Variants in FGF14 observed in about 807,000 individuals in gnomAD.
The protein encoded by FGF14 is fibroblast growth factor homologous factor 4.
Under a neutral mutation model 25.5 loss-of-function variants are expected in FGF14, and 5 were observed. That is an observed-to-expected ratio of 0.20 (90% confidence interval 0.10 to 0.41). The LOEUF (loss-of-function observed/expected upper bound fraction) is 0.41. FGF14 is among the 10% of genes least tolerant of loss of function. FGF14 has a pLI of 1.00. For synonymous variants in FGF14, 138 were observed against 118.3 expected (o/e 1.17, Z -1.08); for missense variants, 222 against 320.1 (o/e 0.69, Z 2.34).
chr13:101,762,329 T>C (rs1292076202), intron 3 of FGF14, among the ~76,000 whole-genome samples: 7 of 152,212 alleles, frequency 4.6e-5, no homozygotes, highest in Admixed American at 3.9e-4. Flanking sequence ...TTTCAGTGAA[T>C]TCTTCTAACC....
chr13:102,130,962 T>G (rs1431977382), intron 1 of FGF14, among the ~76,000 whole-genome samples: 1 of 152,208 alleles, frequency 6.6e-6, no homozygotes, highest in African/African-American at 2.4e-5. Context: ...CCCCACTTTT[T>G]GCTTAAATGG....
intron 1 of FGF14, among the ~76,000 whole-genome samples, chr13:102,229,684 A>C (rs553453219): frequency 6.6e-6 from 1 of 152,256 alleles, no homozygotes; most frequent in South Asian, 2.1e-4. Context: ...TTCTACCTCA[A>C]GGCTTCTCAG....
intron 1 of FGF14, among the ~76,000 whole-genome samples, chr13:102,249,471 C>T (rs1396278015): frequency 6.6e-6 from 1 of 152,118 alleles, no homozygotes; most frequent in Non-Finnish European, 1.5e-5. Flanking sequence ...GGGTCATGGA[C>T]AGAGCAGACA....
intron 3 of FGF14, among the ~76,000 whole-genome samples, chr13:101,737,247 C>T (rs1395066234): frequency 1.3e-5 from 2 of 151,796 alleles, no homozygotes; most frequent in African/African-American, 2.4e-5. Flanking sequence ...TTAGTAATAA[C>T]GGTTTTAATG....
rs1555391875 is a variant in FGF14 at position 102,275,262 on chromosome 13, T to TCTCTCTCTCTCTCTC, written c.208+126208_208+126209insGAGAGAGAGAGAGAG. Among the ~76,000 whole-genome samples the TCTCTCTCTCTCTCTC allele has an allele frequency of 9.2e-3, 632 of 68,970 alleles. 69 individuals carry two copies. The highest frequency in any genetic ancestry group is 0.019 in the Middle Eastern group (2 of 106). 45.2% of individuals were successfully genotyped at this position (68,970 alleles called of 152,430 possible). ...TCTCTCTCTCTCTCTCTCTCTCTCT[T>TCTCTCTCTCTCTCTC]TCTCTCTCTCTCTCTCTCTCTCTCT... is the stretch of plus-strand genomic sequence containing the variant. On this transcript the variant is annotated intron_variant, in intron 1 of 4. Transcript: ENST00000376131.
chr13:101,959,339 C>A (rs1433992680), intron 1 of FGF14, among the ~76,000 whole-genome samples: 1 of 151,866 alleles, frequency 6.6e-6, no homozygotes, highest in East Asian at 2.0e-4. Context: ...TACCGAGATA[C>A]CCCACAGTTG....
chr13:102,157,756 T>A (rs2047415803), intron 1 of FGF14, among the ~76,000 whole-genome samples: 1 of 152,174 alleles, frequency 6.6e-6, no homozygotes. Context: ...GGGAGAAAGT[T>A]TTTGCAATCT....
At chr13:102,201,276 C>T (rs914263243) in intron 1 of FGF14, among the ~76,000 whole-genome samples, 1 of 151,684 alleles carries the variant, frequency 6.6e-6, no homozygotes, top group African/African-American at 2.4e-5. Context: ...TTAGGATTCT[C>T]CAACATGACA....
chr13:102,070,250 T>C (rs1238124347), intron 1 of FGF14, among the ~76,000 whole-genome samples: 2 of 152,172 alleles, frequency 1.3e-5, no homozygotes, highest in Admixed American at 6.5e-5. Context: ...AAATAAGACA[T>C]ACAAATGACA....
chr13:102,374,243 A>G (rs1417282726), intron 1 of FGF14, among the ~76,000 whole-genome samples: 1 of 152,128 alleles, frequency 6.6e-6, no homozygotes, highest in Non-Finnish European at 1.5e-5. Context: ...TCAAGTTCTG[A>G]TTATCTATTG....
intron 1 of FGF14, among the ~76,000 whole-genome samples, chr13:102,358,127 A>G (rs972819449): frequency 6.6e-6 from 1 of 152,220 alleles, no homozygotes; most frequent in Non-Finnish European, 1.5e-5. Context: ...ATTTACCTTT[A>G]AAAATTATAT....
intron 1 of FGF14, among the ~76,000 whole-genome samples, chr13:102,159,689 T>A (rs1350913124): frequency 6.6e-6 from 1 of 152,204 alleles, no homozygotes; most frequent in Non-Finnish European, 1.5e-5. Context: ...TCCTGCATGG[T>A]ACCTGACCCA....
chr13:102,186,311 T>C (rs2048872201), intron 1 of FGF14, among the ~76,000 whole-genome samples: 1 of 152,150 alleles, frequency 6.6e-6, no homozygotes, highest in Non-Finnish European at 1.5e-5. Context: ...TAGTTTTCTT[T>C]TTGTTTTCAA....
chr13:101,974,499 A>G (rs1239680002), intron 1 of FGF14, among the ~76,000 whole-genome samples: 1 of 152,086 alleles, frequency 6.6e-6, no homozygotes, highest in Non-Finnish European at 1.5e-5. Flanking sequence ...AAGTTCCTAT[A>G]CTCAGTGGCA....
intron 1 of FGF14, among the ~76,000 whole-genome samples, chr13:102,053,919 A>G (rs1268742760): frequency 6.6e-6 from 1 of 152,144 alleles, no homozygotes; most frequent in Non-Finnish European, 1.5e-5. Flanking sequence ...TTTCACATTT[A>G]ACACAGTTCC....
intron 1 of FGF14, among the ~76,000 whole-genome samples, chr13:102,355,119 G>T (rs1002124115): frequency 2.6e-5 from 4 of 152,078 alleles, no homozygotes; most frequent in African/African-American, 9.7e-5. Flanking sequence ...TTACTTAAAA[G>T]GTACCCAATG....
At chr13:101,915,932 T>C (rs980655878) in intron 1 of FGF14, among the ~76,000 whole-genome samples, 12 of 152,120 alleles carry the variant, frequency 7.9e-5, no homozygotes, top group African/African-American at 2.4e-4. Context: ...CTCCACTCCT[T>C]CTACAGCAGC....
At chr13:102,392,568 A>G (rs1192063433) in intron 1 of FGF14, among the ~76,000 whole-genome samples, 3 of 152,204 alleles carry the variant, frequency 2.0e-5, no homozygotes, top group Non-Finnish European at 4.4e-5. Context: ...TGCTGTTAAA[A>G]GCTACCTCGG....
chr13:102,350,077 C>A (rs148715602), intron 1 of FGF14, among the ~76,000 whole-genome samples: 21 of 152,292 alleles, frequency 1.4e-4, no homozygotes, highest in Middle Eastern at 3.4e-3. Context: ...TGAAAACATT[C>A]ATTAATAATA....
Sources: gnomAD v4.1 joint callset for allele counts (sites outside exome capture counted in the v4.1 genomes callset) on GRCh38, gnomAD v4.1.1 for gene constraint, MANE v1.5 for transcripts, NCBI Gene and HGNC (gene_info 2026-07-23, HGNC 2026-07-21) for gene names.